STXBP4: variants seen among roughly 807,000 people sequenced by gnomAD.
STXBP4 encodes syntaxin binding protein 4.
In STXBP4, 55 loss-of-function variants were observed where a neutral mutation model predicts 76.1. That is an observed-to-expected ratio of 0.72 (90% confidence interval 0.58 to 0.91). The LOEUF is 0.91. STXBP4 is among the 40% of genes least tolerant of loss of function. STXBP4 has a pLI of 0.00. For synonymous variants in STXBP4, 201 were observed against 220.2 expected (o/e 0.91, Z 0.77); for missense variants, 618 against 636.9 (o/e 0.97, Z 0.32).
intron 16 of STXBP4, among the ~76,000 whole-genome samples, chr17:55,106,860 C>T (rs1354154944): frequency 6.6e-6 from 1 of 152,168 alleles, no homozygotes; most frequent in Non-Finnish European, 1.5e-5. Flanking sequence ...CTCTGGCTGC[C>T]CTTAACATTG....
intron 16 of STXBP4, among the ~76,000 whole-genome samples, chr17:55,106,966 A>G (rs1184549724): frequency 1.3e-5 from 2 of 152,070 alleles, no homozygotes; most frequent in Admixed American, 1.3e-4. Flanking sequence ...TATTTCCTGA[A>G]TTTGAATGTT....
chr17:55,072,938 T>C lies in STXBP4; in HGVS notation c.1050T>C (p.Arg350=). The part of the protein sequence containing the change: ...KAVVEETRAL[R]SRIHLAEAAQ... ...TAGTTGAAGAAACAAGAGCCCTGCG[T>C]AGTCGGATTCATCTTGCTGAAGCTG... is the stretch of plus-strand genomic sequence containing the variant. Residue 350 remains arginine (R), a synonymous_variant, in exon 13 of 18, where the codon CGT becomes CGC. Coordinates refer to ENST00000376352, the MANE Select transcript of STXBP4 (RefSeq NM_178509.6). 6.2e-7 allele frequency: 1 copy of C among 1,613,712 alleles called. No individual in the cohort carries two copies. Among genetic ancestry groups the C allele is most frequent in the Middle Eastern group, 1.7e-4 (1 of 6,058 alleles).
chr17:55,090,803 T>C lies in STXBP4; in HGVS notation c.1489+9620T>C, dbSNP rs540897687. ...GGATCTCATGCTAAAACCTTCCCAT[T>C]CTGCTCTTACACATAGAAATGACAT... On this transcript the variant is annotated intron_variant, in intron 16 of 17. Transcript: ENST00000376352. 2.0e-4 allele frequency among the ~76,000 whole-genome samples: 31 copies of C among 151,890 alleles called. No homozygotes were observed. The South Asian group carries it at 4.2e-3, about 20-fold the overall frequency.
chr17:55,135,253 G>A (rs555820111), intron 16 of STXBP4, among the ~76,000 whole-genome samples: 179 of 152,106 alleles, frequency 1.2e-3, no homozygotes, highest in Non-Finnish European at 2.2e-3. Flanking sequence ...TTCAATTGCC[G>A]GATAAGTGAC....
At chr17:55,045,601 G>A (rs1423344654) in intron 11 of STXBP4, among the ~76,000 whole-genome samples, 1 of 152,012 alleles carries the variant, frequency 6.6e-6, no homozygotes, top group Non-Finnish European at 1.5e-5. Flanking sequence ...AGACTTCCCT[G>A]AGGAGTCATT....
chr17:55,193,184 A>G, the STXBP4 span, among the ~76,000 whole-genome samples: 633 of 152,260 alleles, frequency 4.2e-3, 1 homozygote, highest in Admixed American at 9.1e-3. Context: ...TGAATTCTAG[A>G]TTGCTGAGCA....
intron 15 of STXBP4, among the ~76,000 whole-genome samples, chr17:55,079,081 C>G (rs1225011439): frequency 6.6e-6 from 1 of 152,126 alleles, no homozygotes; most frequent in Non-Finnish European, 1.5e-5. Flanking sequence ...AGGTTCACTA[C>G]TAAAAGTGTC....
chr17:55,145,693 CATAG>C (rs2080145142), intron 17 of STXBP4, among the ~76,000 whole-genome samples: 2 of 152,126 alleles, frequency 1.3e-5, no homozygotes, highest in East Asian at 3.9e-4. Context: ...GCCAGTGTTT[CATAG>C]AATTAATAAA....
At chr17:55,122,005 C>T (rs944446154) in intron 16 of STXBP4, among the ~76,000 whole-genome samples, 5 of 152,026 alleles carry the variant, frequency 3.3e-5, no homozygotes, top group African/African-American at 1.2e-4. Context: ...CCTTTAGGCT[C>T]CTTAAAAATA....
At chr17:55,064,572 C>G (rs1460831946) in intron 12 of STXBP4, among the ~76,000 whole-genome samples, 1 of 152,132 alleles carries the variant, frequency 6.6e-6, no homozygotes, top group African/African-American at 2.4e-5. Flanking sequence ...TCGGCTACTG[C>G]AACCTCCAGC....
the STXBP4 span, among the ~76,000 whole-genome samples, chr17:55,186,664 A>G: frequency 6.6e-6 from 1 of 152,320 alleles, no homozygotes; most frequent in Admixed American, 6.5e-5. Flanking sequence ...AAATCATTTT[A>G]TCTGTGATGT....
At chr17:54,973,624 A>T (rs956642540) in intron 1 of STXBP4, among the ~76,000 whole-genome samples, 1 of 152,350 alleles carries the variant, frequency 6.6e-6, no homozygotes, top group Admixed American at 6.5e-5. Flanking sequence ...TAAAGCTTTA[A>T]ATGAATGCAT....
chr17:54,969,729 T>G (rs2077359442), intron 1 of STXBP4, among the ~76,000 whole-genome samples: 1 of 152,196 alleles, frequency 6.6e-6, no homozygotes, highest in Non-Finnish European at 1.5e-5. Flanking sequence ...CTGAGAAATT[T>G]TAACTAGTCA....
rs1339754048 is a variant in STXBP4, at chr17:55,171,477, A to G, written c.*11566A>G. On this transcript the variant is annotated 3_prime_UTR_variant, in exon 18 of 18. Coordinates refer to ENST00000376352, the MANE Select transcript of STXBP4 (RefSeq NM_178509.6). ...CAGCCAAGATTATTGATTTATCTAT[A>G]AGGAATAATCTGTGAATTAACCTTC... The G allele has an allele frequency of 6.6e-6, 1 of 152,226 alleles. No individual in the cohort carries two copies. The highest frequency in any genetic ancestry group is 1.5e-5 in the Non-Finnish European group (1 of 68,040). 9.4% of individuals were successfully genotyped at this position (152,226 alleles called of 1,614,324 possible).
chr17:55,211,799 G>GGT, the STXBP4 span, among the ~76,000 whole-genome samples: 6 of 48,980 alleles, frequency 1.2e-4, no homozygotes, highest in Non-Finnish European at 2.5e-4. Context: ...GTTTTTTGTT[G>GGT]TTTTTTTTTT....
chr17:55,048,209 G>A lies in STXBP4; in HGVS notation c.1011+1055G>A, dbSNP rs552470303. On this transcript the variant is annotated intron_variant, in intron 12 of 17. Coordinates refer to ENST00000376352, the MANE Select transcript of STXBP4 (RefSeq NM_178509.6). ...ATGGATAGAATTCCTTGGAGACTTCGCAATGATAGGAAAGAAGGAAATAAG... is the reference window on the plus strand; with the variant it reads ...ATGGATAGAATTCCTTGGAGACTTCACAATGATAGGAAAGAAGGAAATAAG... Among the ~76,000 whole-genome samples the A allele has an allele frequency of 5.3e-5, 8 of 151,900 alleles. 1 individual carries two copies. The highest frequency in any genetic ancestry group is 1.7e-4 in the African/African-American group (7 of 41,518).
At chr17:55,004,395 G>A (rs1048390860) in intron 7 of STXBP4, among the ~76,000 whole-genome samples, 2 of 152,042 alleles carry the variant, frequency 1.3e-5, no homozygotes, top group African/African-American at 4.8e-5. Context: ...GCTACAAAGA[G>A]GATAGGAACA....
chr17:55,004,879 G>A (rs1284832166), intron 7 of STXBP4, among the ~76,000 whole-genome samples: 1 of 152,094 alleles, frequency 6.6e-6, no homozygotes, highest in African/African-American at 2.4e-5. Flanking sequence ...CCAGAAAGGA[G>A]CAAATAAAGA....
At chr17:55,107,809 A>G (rs74894379) in intron 16 of STXBP4, among the ~76,000 whole-genome samples, 174 of 152,258 alleles carry the variant, frequency 1.1e-3, no homozygotes, top group African/African-American at 3.9e-3. Flanking sequence ...CCAGAGGGGT[A>G]CCTGCCAGAT....
Sources: gnomAD v4.1 joint callset for allele counts (sites outside exome capture counted in the v4.1 genomes callset) on GRCh38, gnomAD v4.1.1 for gene constraint, MANE v1.5 for transcripts, NCBI Gene and HGNC (gene_info 2026-07-23, HGNC 2026-07-21) for gene names.